The following HYKK variants were observed in gnomAD, a reference collection of about 807,000 sequenced individuals.
HYKK encodes the protein hydroxylysine kinase.
HYKK carries 19 observed loss-of-function variants against 29.7 expected under a neutral mutation model. That is an observed-to-expected ratio of 0.64 (90% CI 0.45 to 0.94). The LOEUF (loss-of-function observed/expected upper bound fraction) is 0.94. HYKK is among the 40% of genes least tolerant of loss of function. The pLI is 0.00. For synonymous variants in HYKK, 152 were observed against 158.1 expected, an observed-to-expected ratio of 0.96 and a Z score of 0.29; for missense variants, 390 against 443.4, an observed-to-expected ratio of 0.88 and a Z score of 1.08.
In HYKK at chr15:78,533,351, T is replaced by C. The variant is rs1487001398; in HGVS notation, c.803T>C (p.Ile268Thr). 1 of 1,614,044 alleles carries C rather than the reference T, an allele frequency of 6.2e-7. No individual in the cohort carries two copies. The highest frequency in any genetic ancestry group is 1.3e-5 in the African/African-American group (1 of 74,942). Residue 268 changes from isoleucine to threonine, a missense_variant, in exon 5 of 5, where the codon ATT (isoleucine) becomes ACT (threonine). Transcript: ENST00000388988. Reference sequence around the variant, plus strand: ...GGCTACTATGTGTTTGAAGTGGCAATTACCATCATGTACATGATGATTGAG... The same window carrying C: ...GGCTACTATGTGTTTGAAGTGGCAACTACCATCATGTACATGATGATTGAG... ...SYGYYVFEVAITIMYMMIESK... is the reference protein window; with the variant it reads ...SYGYYVFEVATTIMYMMIESK...
chr15:78,527,329 C>T, intron 3 of HYKK, 51 bp from the exon 4 acceptor site: 1 of 1,461,330 alleles, frequency 6.8e-7, no homozygotes, highest in Non-Finnish European at 9.5e-7. Context: ...CCACCTCTCT[C>T]AGCAGTGGTT....
Position 78,530,962 on chromosome 15 carries a change from T to C in HYKK, c.662-2248T>C, listed in dbSNP as rs531470187. Among the ~76,000 whole-genome samples the C allele has an allele frequency of 2.0e-5, 3 of 152,202 alleles. No homozygotes were observed. In the South Asian group the frequency reaches 6.2e-4, roughly 32 times the overall value. On this transcript the variant is annotated intron_variant, in intron 4 of 4. Transcript: ENST00000388988. ...TCGGCTCACTGCAACCTCTGCCTCC[T>C]GGGTTCAAGTGATTCTCATGCCTCA...
In HYKK at chr15:78,536,575, C is replaced by A. The variant is rs1487341031; in HGVS notation, c.*2905C>A. Reference sequence around the variant, plus strand: ...CTGCTAACATGGATTTCCTTTCACTCAATTCCTAATGCAAATATTGCTGAC... The same window carrying A: ...CTGCTAACATGGATTTCCTTTCACTAAATTCCTAATGCAAATATTGCTGAC... On this transcript the variant is annotated 3_prime_UTR_variant, in exon 5 of 5. Transcript: ENST00000388988. The A allele has an allele frequency of 6.6e-6, 1 of 152,206 alleles. No individual in the cohort carries two copies. Among genetic ancestry groups the A allele is most frequent in the Non-Finnish European group, 1.5e-5 (1 of 68,030 alleles). 9.4% of individuals were successfully genotyped at this position (152,206 alleles called of 1,614,324 possible).
chr15:78,508,299 G>A (rs979174335), intron 1 of HYKK, among the ~76,000 whole-genome samples: 2 of 151,910 alleles, frequency 1.3e-5, no homozygotes, highest in Non-Finnish European at 2.9e-5. Context: ...CCTAGGGGCT[G>A]AGAATACAGA....
chr15:78,530,612 A>C (rs2052302371), intron 4 of HYKK, among the ~76,000 whole-genome samples: 1 of 152,148 alleles, frequency 6.6e-6, no homozygotes, highest in Admixed American at 6.6e-5. Flanking sequence ...TAGTGCTACT[A>C]AGGATATTCC....
intron 3 of HYKK, among the ~76,000 whole-genome samples, chr15:78,521,515 TAAC>T (rs1451508936): frequency 4.0e-5 from 6 of 151,884 alleles, no homozygotes; most frequent in Non-Finnish European, 7.4e-5. Context: ...ACCAACCTAA[TAAC>T]AAGAGGAGGG....
At chr15:78,530,200 AT>A (rs60803012) in intron 4 of HYKK, among the ~76,000 whole-genome samples, 4,800 of 135,256 alleles carry the variant, frequency 0.035, 171 homozygotes, top group East Asian at 0.17. Flanking sequence ...TTATTTATTT[AT>A]TTTTTTTTTT....
At chr15:78,531,918 G>A (rs895576816) in intron 4 of HYKK, among the ~76,000 whole-genome samples, 1 of 144,162 alleles carries the variant, frequency 6.9e-6, no homozygotes, top group Non-Finnish European at 1.6e-5. Flanking sequence ...ATGATTTACA[G>A]TAATATTGTT....
Position 78,513,095 on chromosome 15 carries a change from A to C in HYKK, c.7A>C (p.Ser3Arg), listed in dbSNP as rs369397938. The change falls in exon 2 of 5, where the codon AGT (serine) becomes CGT (arginine). Residue 3 changes from serine (S) to arginine (R), a missense_variant. Transcript: ENST00000388988. ...TTTTGTTCCCCTAGACATAATGTCA[A>C]GTGGAAACTATCAGCAGTCAGAGGC... MS[S>R]GNYQQSEALS... is the part of the protein sequence containing the mutation. 1.1e-5 allele frequency: 18 copies of C among 1,599,796 alleles called. No homozygotes were observed. The African/African-American group carries it at 1.5e-4, about 13-fold the overall frequency.
intron 3 of HYKK, among the ~76,000 whole-genome samples, chr15:78,520,559 G>A (rs1227342928): frequency 3.3e-5 from 5 of 152,106 alleles, no homozygotes; most frequent in African/African-American, 4.8e-5. Flanking sequence ...TTGGGGGTAA[G>A]GTCACAGATC....
At chr15:78,523,944 G>A (rs2052223758) in intron 3 of HYKK, among the ~76,000 whole-genome samples, 1 of 152,254 alleles carries the variant, frequency 6.6e-6, no homozygotes, top group African/African-American at 2.4e-5. Flanking sequence ...GCTTTGCAAG[G>A]TTCAGCCCCT....
intron 3 of HYKK, among the ~76,000 whole-genome samples, chr15:78,517,990 G>C (rs2052153995): frequency 6.6e-6 from 1 of 152,170 alleles, no homozygotes. Flanking sequence ...ACATAATGCA[G>C]ATCCCTGAAG....
chr15:78,521,748 C>G (rs957791404), intron 3 of HYKK, among the ~76,000 whole-genome samples: 1 of 152,040 alleles, frequency 6.6e-6, no homozygotes, highest in Non-Finnish European at 1.5e-5. Context: ...CTTGATTTTG[C>G]TATCTAAGGA....
At chr15:78,512,192 C>G (rs1381950203) in intron 1 of HYKK, among the ~76,000 whole-genome samples, 2 of 152,192 alleles carry the variant, frequency 1.3e-5, no homozygotes, top group Non-Finnish European at 2.9e-5. Context: ...GTGACTCACA[C>G]AATACTTAGC....
At chr15:78,520,857 C>T (rs1275359708) in intron 3 of HYKK, among the ~76,000 whole-genome samples, 11 of 151,468 alleles carry the variant, frequency 7.3e-5, no homozygotes, top group Admixed American at 4.6e-4. Context: ...GGCAGCTGGC[C>T]GGGCGGGGGG....
At chr15:78,523,631 A>T (rs1031245269) in intron 3 of HYKK, among the ~76,000 whole-genome samples, 1 of 152,178 alleles carries the variant, frequency 6.6e-6, no homozygotes, top group Non-Finnish European at 1.5e-5. Flanking sequence ...TCAAAAGTCC[A>T]CAGTCCAAAG....
At position 78,513,086 on chromosome 15, in the gene HYKK, A is replaced by G. The variant is rs779966952; in HGVS notation, c.-3A>G. On this transcript the variant is annotated splice_region_variant and 5_prime_UTR_variant, in exon 2 of 5. Transcript: ENST00000388988. The stretch of plus-strand genomic sequence containing the variant: ...TTTGTTGCTTTTTGTTCCCCTAGAC[A>G]TAATGTCAAGTGGAAACTATCAGCA... The G allele has an allele frequency of 3.9e-5, 61 of 1,581,714 alleles. No individual in the cohort carries two copies. The highest frequency in any genetic ancestry group is 3.7e-4 in the Middle Eastern group (2 of 5,472).
chr15:78,513,289 C>T lies in HYKK; in HGVS notation c.201C>T (p.Ser67=). 1 of 1,614,160 alleles carries T rather than the reference C, an allele frequency of 6.2e-7. No individual in the cohort carries two copies. Among genetic ancestry groups the T allele is most frequent in the Non-Finnish European group, 8.5e-7 (1 of 1,180,034 alleles). Residue 67 remains serine (S), a synonymous_variant, in exon 2 of 5, where the codon AGC becomes AGT. Transcript: ENST00000388988. ...DGPTEYVLKI[S]NTKASKNPDL... is the part of the protein sequence containing the mutation. ...CAACTGAATATGTCCTCAAAATAAG[C>T]AACACCAAGGCTAGCAAAAATCCAG...
Position 78,533,396 on chromosome 15 carries a change from TAGG to T in HYKK, c.852_854del (p.Gly285del). The stretch of plus-strand genomic sequence containing the variant: ...ATTGAGAGCAAGAGTCCTATACAAG[TAGG>T]AGGCCATGTCCTTGCAGGGTTTGAA... On this transcript the variant is annotated inframe_deletion, in exon 5 of 5. Coordinates refer to ENST00000388988, the MANE Select transcript of HYKK (RefSeq NM_001013619.4). 6.2e-7 allele frequency: 1 copy of T among 1,614,180 alleles called. No individual in the cohort carries two copies.
Sources: gnomAD v4.1 joint callset for allele counts (sites outside exome capture counted in the v4.1 genomes callset) on GRCh38, gnomAD v4.1.1 for gene constraint, MANE v1.5 for transcripts, NCBI Gene and HGNC (gene_info 2026-07-23, HGNC 2026-07-21) for gene names.